NEBL: variants seen among roughly 807,000 people sequenced by gnomAD.
NEBL encodes nebulette, also known as LIM and SH3 protein 2.
Under a neutral mutation model 140.2 loss-of-function variants are expected in NEBL, and 122 were observed. That is an observed-to-expected ratio of 0.87 (90% CI 0.75 to 1.01). NEBL has a LOEUF of 1.01. NEBL is among the 50% of genes least tolerant of loss of function. The pLI is 0.00. For synonymous variants in NEBL, 436 were observed against 398.9 expected (o/e 1.09, Z -1.11); for missense variants, 1,365 against 1,231.3 (o/e 1.11, Z -1.62).
intron 2 of NEBL, among the ~76,000 whole-genome samples, chr10:21,083,830 T>C (rs575892489): frequency 6.6e-6 from 1 of 151,980 alleles, no homozygotes; most frequent in East Asian, 1.9e-4. Context: ...AGGTGACAAA[T>C]GTGCAAATGT....
intron 1 of NEBL, among the ~76,000 whole-genome samples, chr10:21,286,929 A>T (rs1401947818): frequency 1.3e-5 from 2 of 152,094 alleles, no homozygotes; most frequent in Non-Finnish European, 2.9e-5. Flanking sequence ...CAGAGTGGAG[A>T]TGGCAGTAGC....
chr10:21,189,718 C>T (rs1412045348), intron 3 of NEBL, among the ~76,000 whole-genome samples: 1 of 152,166 alleles, frequency 6.6e-6, no homozygotes, highest in African/African-American at 2.4e-5. Context: ...CTGCCCACCT[C>T]GGCCCCCCAA....
intron 2 of NEBL, among the ~76,000 whole-genome samples, chr10:21,078,207 G>A (rs11012512): frequency 0.022 from 3,279 of 152,210 alleles, 95 homozygotes; most frequent in African/African-American, 0.075. Context: ...GTACAAAATA[G>A]ACTCTTTCTA....
intron 1 of NEBL, among the ~76,000 whole-genome samples, chr10:21,287,028 T>C (rs375781093): frequency 7.2e-5 from 11 of 152,236 alleles, no homozygotes; most frequent in African/African-American, 1.2e-4. Context: ...GTAATCAGAA[T>C]GAGAATCTGA....
intron 3 of NEBL, among the ~76,000 whole-genome samples, chr10:20,968,643 A>T (rs1366165025): frequency 6.6e-6 from 1 of 152,204 alleles, no homozygotes; most frequent in Non-Finnish European, 1.5e-5. Flanking sequence ...ATAGGAGGAG[A>T]ACAGTATTTG....
intron 2 of NEBL, among the ~76,000 whole-genome samples, chr10:21,123,687 T>C (rs1838683057): frequency 6.6e-6 from 1 of 151,568 alleles, no homozygotes; most frequent in Non-Finnish European, 1.5e-5. Flanking sequence ...AGTCTATAGT[T>C]CCCCTTCTCT....
At chr10:21,104,459 A>G (rs1837619113) in intron 2 of NEBL, among the ~76,000 whole-genome samples, 1 of 152,136 alleles carries the variant, frequency 6.6e-6, no homozygotes. Context: ...TTTTCCTCAA[A>G]TTTATCCCCA....
At chr10:20,946,279 A>G (rs928724295) in intron 4 of NEBL, among the ~76,000 whole-genome samples, 1 of 152,192 alleles carries the variant, frequency 6.6e-6, no homozygotes, top group Non-Finnish European at 1.5e-5. Flanking sequence ...TAATCTTTTC[A>G]TCTTTTCAGG....
intron 4 of NEBL, among the ~76,000 whole-genome samples, chr10:20,942,845 T>A (rs1324384121): frequency 1.3e-5 from 2 of 152,164 alleles, no homozygotes; most frequent in African/African-American, 2.4e-5. Flanking sequence ...AAAATGCTCA[T>A]CATCACTGGC....
Position 21,169,087 on chromosome 10 carries a change from T to A in NEBL, c.164+3296A>T, listed in dbSNP as rs1343974792. 7.0e-4 allele frequency among the ~76,000 whole-genome samples: 81 copies of A among 115,668 alleles called. 6 individuals carry two copies. Among genetic ancestry groups the A allele is most frequent in the South Asian group, 3.0e-3 (10 of 3,366 alleles). 75.9% of individuals were successfully genotyped at this position (115,668 alleles called of 152,430 possible). On this transcript the variant is annotated intron_variant, in intron 2 of 6. Transcript: ENST00000417816. ...AAAAAAATATATATATATATATATA[T>A]ATATATATATATATATATATTTGGA...
intron 3 of NEBL, among the ~76,000 whole-genome samples, chr10:20,966,632 T>G (rs141175263): frequency 2.5e-3 from 388 of 152,324 alleles, no homozygotes; most frequent in African/African-American, 8.9e-3. Flanking sequence ...GGTGACAGCC[T>G]GGACACCGGA....
intron 3 of NEBL, among the ~76,000 whole-genome samples, chr10:20,991,825 T>G (rs1837470084): frequency 6.7e-6 from 1 of 149,306 alleles, no homozygotes; most frequent in South Asian, 2.2e-4. Flanking sequence ...TGTCCATATG[T>G]ACTCAGCATT....
intron 19 of NEBL, among the ~76,000 whole-genome samples, chr10:20,821,151 T>C (rs768505649): frequency 1.3e-5 from 2 of 152,224 alleles, no homozygotes; most frequent in African/African-American, 2.4e-5. Flanking sequence ...ATTCACATTA[T>C]TGACAAAGAG....
intron 1 of NEBL, among the ~76,000 whole-genome samples, chr10:21,286,921 G>A (rs565231752): frequency 6.6e-6 from 1 of 152,138 alleles, no homozygotes; most frequent in Non-Finnish European, 1.5e-5. Flanking sequence ...GTTCACACCA[G>A]AGTGGAGATG....
chr10:20,897,854 T>C (rs1435073558), upstream of NEBL, among the ~76,000 whole-genome samples: 1 of 152,236 alleles, frequency 6.6e-6, no homozygotes, highest in South Asian at 2.1e-4. Flanking sequence ...CTTCAAAGAA[T>C]CTATTCTGAG....
At chr10:21,082,784 A>C (rs1425416719) in intron 2 of NEBL, among the ~76,000 whole-genome samples, 1 of 17,532 alleles carries the variant, frequency 5.7e-5, no homozygotes, top group African/African-American at 1.1e-4. Context: ...TTTTTTTGAG[A>C]CAGAGTCTCA....
At chr10:20,791,801 G>A (rs867733051) in intron 26 of NEBL, among the ~76,000 whole-genome samples, 5 of 152,160 alleles carry the variant, frequency 3.3e-5, no homozygotes, top group East Asian at 1.9e-4. Flanking sequence ...CACAAGAAAC[G>A]TTGAAGAGTA....
At chr10:21,042,240 A>G (rs1834305726) in intron 2 of NEBL, among the ~76,000 whole-genome samples, 1 of 152,132 alleles carries the variant, frequency 6.6e-6, no homozygotes, top group South Asian at 2.1e-4. Context: ...ACATACTCTC[A>G]TTTTCCTCAC....
intron 3 of NEBL, among the ~76,000 whole-genome samples, chr10:20,975,749 T>C (rs1836767675): frequency 6.6e-6 from 1 of 152,172 alleles, no homozygotes; most frequent in South Asian, 2.1e-4. Flanking sequence ...ATTCACGAGG[T>C]AACTACTGCC....
Sources: allele counts gnomAD v4.1 joint callset (sites outside exome capture counted in the v4.1 genomes callset), GRCh38; gene constraint gnomAD v4.1.1; transcripts MANE v1.5; gene names NCBI Gene and HGNC (gene_info 2026-07-23, HGNC 2026-07-21).